The following BICDL1 variants were observed in gnomAD, a reference collection of about 807,000 sequenced individuals.
The protein encoded by BICDL1 is BICD family-like cargo adapter 1.
Under a neutral mutation model 76.8 loss-of-function variants are expected in BICDL1, and 20 were observed. The ratio of observed to expected loss-of-function variants is 0.26; its 90% CI spans 0.18 to 0.38. The LOEUF is 0.38. Ranked by LOEUF, BICDL1 falls within the 10% of genes least tolerant of loss-of-function variation. BICDL1 has a pLI of 1.00. For synonymous variants in BICDL1, 383 were observed against 337.1 expected (o/e 1.14, Z -1.49); for missense variants, 700 against 798.6 (o/e 0.88, Z 1.49).
intron 6 of BICDL1, 99 bp from the exon 7 acceptor site, chr12:120,074,344 C>T: frequency 2.6e-6 from 2 of 764,372 alleles, no homozygotes; most frequent in Non-Finnish European, 3.2e-6. Context: ...TCCCCCATTT[C>T]TCCTCTCCTT....
chr12:120,092,160 C>T (rs779337490), intron 9 of BICDL1: 120 of 985,278 alleles, frequency 1.2e-4, no homozygotes, highest in Non-Finnish European at 1.4e-4. Flanking sequence ...TGGAGTCTTA[C>T]CCAGAGTCAG....
chr12:119,990,231 C>T lies in BICDL1; in HGVS notation c.363C>T (p.Leu121=), dbSNP rs867210299. 1 of 1,575,636 alleles carries T rather than the reference C, an allele frequency of 6.3e-7. No individual in the cohort carries two copies. The highest frequency in any genetic ancestry group is 8.6e-7 in the Non-Finnish European group (1 of 1,161,632). ...CGGCCCGGCTGGGTAAGGCGCTGCTCGAGAGGAACCAGGACATGAGCCGGC... is the reference window on the plus strand; with the variant it reads ...CGGCCCGGCTGGGTAAGGCGCTGCTTGAGAGGAACCAGGACATGAGCCGGC... The part of the protein sequence containing the change: ...VLAARLGKAL[L]ERNQDMSRQY... Residue 121 remains leucine, a synonymous_variant, in exon 1 of 10, where the codon CTC becomes CTT. Coordinates refer to ENST00000548673, the MANE Select transcript of BICDL1 (RefSeq NM_001367886.1).
In BICDL1 at chr12:120,024,602, A is replaced by G. The variant is rs935482588; in HGVS notation, c.645+25866A>G. 2.6e-5 allele frequency among the ~76,000 whole-genome samples: 4 copies of G among 152,354 alleles called. No homozygotes were observed. The East Asian group carries it at 7.7e-4, about 29-fold the overall frequency. ...GAAACATGAAGAAAACTACACTGTC[A>G]TTTATCTAAGTTTATTGCTTCTCAC... On this transcript the variant is annotated intron_variant, in intron 2 of 9. Transcript: ENST00000548673.
chr12:120,075,964 G>T (rs1229405032), intron 7 of BICDL1, among the ~76,000 whole-genome samples: 2 of 152,200 alleles, frequency 1.3e-5, no homozygotes, highest in African/African-American at 4.8e-5. Context: ...TTCGAGACCA[G>T]CCTGGCCAAC....
At chr12:120,019,644 C>T (rs1287711859) in intron 2 of BICDL1, among the ~76,000 whole-genome samples, 1 of 152,096 alleles carries the variant, frequency 6.6e-6, no homozygotes, top group Non-Finnish European at 1.5e-5. Context: ...GTCTGGGAGT[C>T]TCTCTGTGTT....
Position 120,093,037 on chromosome 12 carries a change from A to G in BICDL1, c.1742A>G (p.Asp581Gly). The change falls in exon 10 of 10, where the codon GAC (aspartate) becomes GGC (glycine). Residue 581 changes from aspartate (D) to glycine (G), a missense_variant. Physicochemically the swap from Asp to Gly is moderately conservative, Grantham distance 94. This residue lies in a region of BICDL1 where 455 missense variants were observed against 548.7 expected (regional missense o/e 0.83). Transcript: ENST00000548673. The part of the protein sequence containing the change: ...MHRVIDRQLM[D>G]THLKERSQPA... ...AGGGTCATTGACCGGCAGCTGATGG[A>G]CACGCACCTGAAAGAACGGAGCCAG... The G allele has an allele frequency of 1.3e-6, 2 of 1,592,780 alleles. No homozygotes were observed. The highest frequency in any genetic ancestry group is 1.7e-6 in the Non-Finnish European group (2 of 1,168,200).
At chr12:120,054,652 G>A (rs982307034) in intron 2 of BICDL1, among the ~76,000 whole-genome samples, 4 of 152,046 alleles carry the variant, frequency 2.6e-5, no homozygotes, top group Non-Finnish European at 5.9e-5. Context: ...TGAGGTGGGC[G>A]GATCACTTGA....
intron 1 of BICDL1, among the ~76,000 whole-genome samples, chr12:119,997,963 A>C (rs1951684793): frequency 6.6e-6 from 1 of 152,094 alleles, no homozygotes; most frequent in Admixed American, 6.5e-5. Context: ...AAAATACAAA[A>C]ATCAGCCCAG....
At chr12:120,062,449 T>C (rs1323237537) in intron 3 of BICDL1, among the ~76,000 whole-genome samples, 1 of 152,036 alleles carries the variant, frequency 6.6e-6, no homozygotes, top group African/African-American at 2.4e-5. Flanking sequence ...AGGGGAGGCT[T>C]CCACCTGGTC....
intron 2 of BICDL1, among the ~76,000 whole-genome samples, chr12:120,049,642 G>A (rs1474796274): frequency 1.3e-5 from 2 of 152,072 alleles, no homozygotes; most frequent in African/African-American, 4.8e-5. Flanking sequence ...TTCATTGTTA[G>A]GAGATTATCA....
intron 2 of BICDL1, among the ~76,000 whole-genome samples, chr12:120,029,891 C>T (rs1952387273): frequency 6.6e-6 from 1 of 152,184 alleles, no homozygotes; most frequent in African/African-American, 2.4e-5. Flanking sequence ...AGGTGATCTG[C>T]TCGCCTTGGC....
At chr12:120,057,278 G>A (rs1020442546) in intron 2 of BICDL1, 3 of 361,152 alleles carry the variant, frequency 8.3e-6, no homozygotes, top group South Asian at 4.2e-5. Context: ...GCCTCCCAAC[G>A]TGCTGGGATT....
chr12:120,022,264 T>C (rs1313574298), intron 2 of BICDL1, among the ~76,000 whole-genome samples: 1 of 150,780 alleles, frequency 6.6e-6, no homozygotes, highest in East Asian at 1.9e-4. Context: ...GGATGGAAAT[T>C]TGTTAAAAAT....
intron 2 of BICDL1, among the ~76,000 whole-genome samples, chr12:120,034,776 G>C (rs1952498119): frequency 6.6e-6 from 1 of 152,190 alleles, no homozygotes; most frequent in Admixed American, 6.5e-5. Flanking sequence ...CTATAGGACA[G>C]GACTGAGGCC....
At chr12:120,016,890 CTTTAT>C (rs1263945298) in intron 2 of BICDL1, among the ~76,000 whole-genome samples, 1 of 151,662 alleles carries the variant, frequency 6.6e-6, no homozygotes, top group Non-Finnish European at 1.5e-5. Context: ...ATTTATTTTA[CTTTAT>C]TTTATTTCAT....
At chr12:120,031,691 C>A (rs1236994849) in intron 2 of BICDL1, among the ~76,000 whole-genome samples, 1 of 152,042 alleles carries the variant, frequency 6.6e-6, no homozygotes, top group Admixed American at 6.6e-5. Context: ...ATGGCTTAAT[C>A]AGATCAAAAA....
At chr12:120,082,239 T>TA (rs1874049713) in intron 8 of BICDL1, among the ~76,000 whole-genome samples, 1 of 151,918 alleles carries the variant, frequency 6.6e-6, no homozygotes. Flanking sequence ...CTCTGTCCCT[T>TA]ATATTTCCAA....
At chr12:120,003,157 T>G (rs1951789683) in intron 2 of BICDL1, among the ~76,000 whole-genome samples, 2 of 69,316 alleles carry the variant, frequency 2.9e-5, no homozygotes, top group Admixed American at 3.4e-4. Flanking sequence ...GACCCCATCT[T>G]TAAAAAAAAA....
At chr12:120,017,089 G>C (rs527500978) in intron 2 of BICDL1, among the ~76,000 whole-genome samples, 4 of 152,158 alleles carry the variant, frequency 2.6e-5, no homozygotes, top group South Asian at 4.2e-4. Context: ...GTAGAGACAG[G>C]GTTTCACTGT....
Sources: gnomAD v4.1 joint callset for allele counts (sites outside exome capture counted in the v4.1 genomes callset) on GRCh38, gnomAD v4.1.1 for gene constraint, gnomAD v4.1.1 regional missense constraint, MANE v1.5 for transcripts, NCBI Gene and HGNC (gene_info 2026-07-23, HGNC 2026-07-21) for gene names.